The following NCAN variants were observed in gnomAD, a reference collection of about 807,000 sequenced individuals.
NCAN encodes the protein neurocan.
In NCAN, 47 loss-of-function variants were observed where a neutral mutation model predicts 121.8. The ratio of observed to expected loss-of-function variants is 0.39; its 90% CI spans 0.31 to 0.49. NCAN has a LOEUF of 0.49. NCAN is among the 20% of genes least tolerant of loss of function. The pLI, the probability that NCAN is intolerant of heterozygous loss-of-function variation, is 0.92. For synonymous variants in NCAN, 633 were observed against 702.0 expected, an observed-to-expected ratio of 0.90 and a Z score of 1.55; for missense variants, 1,517 against 1,773.4, an observed-to-expected ratio of 0.86 and a Z score of 2.60.
At position 19,228,286 on chromosome 19, in the gene NCAN, C is replaced by T. The variant is rs2060845606; in HGVS notation, c.2666C>T (p.Thr889Ile). Residue 889 changes from threonine to isoleucine, a missense_variant, in exon 8 of 15, where the codon ACA becomes ATA. Coordinates refer to ENST00000252575, the MANE Select transcript of NCAN (RefSeq NM_004386.3). Reference protein sequence around the residue: ...GDKVGVPAMSTLGSSSSQPHP... With the variant: ...GDKVGVPAMSILGSSSSQPHP... ...AAGGTTGGAGTTCCAGCCATGTCTA[C>T]ACTGGGCTCCTCAAGCTCCCAACCC... 4 of 1,613,888 alleles carry T rather than the reference C, an allele frequency of 2.5e-6. No individual in the cohort carries two copies. The highest frequency in any genetic ancestry group is 4.5e-5 in the East Asian group (2 of 44,888).
chr19:19,245,582 A>C, intron 13 of NCAN, 125 bp downstream of exon 13: 1 of 1,102,592 alleles, frequency 9.1e-7, no homozygotes, highest in South Asian at 1.6e-5. Context: ...GGTTCAAGCC[A>C]TCCTCCTGCC....
At chr19:19,219,859 TA>T (rs35998446) in intron 3 of NCAN, among the ~76,000 whole-genome samples, 15,459 of 128,150 alleles carry the variant, frequency 0.12, 1,613 homozygotes, top group African/African-American at 0.3. Context: ...ACCCCGTCTT[TA>T]AAAAAAAAAA....
intron 9 of NCAN, among the ~76,000 whole-genome samples, chr19:19,234,666 C>A (rs2060874563): frequency 6.6e-6 from 1 of 152,236 alleles, no homozygotes; most frequent in East Asian, 1.9e-4. Context: ...AAAAGAGACT[C>A]CAGCTTCAGC....
rs1436158718 is a variant in NCAN at position 19,227,097 on chromosome 19, G to T, written c.1660+24G>T. ...TGGTGAGTTGCTCTGGGGGAGGCGG[G>T]ACCTACCTGGGGATCTGGAGGTGAG... On this transcript the variant is annotated intron_variant, in intron 7 of 14. Coordinates refer to ENST00000252575, the MANE Select transcript of NCAN (RefSeq NM_004386.3). The surrounding 1 kb of genome is among the most constrained non-coding windows in gnomAD (Gnocchi z 4.2). 6.6e-7 allele frequency: 1 copy of T among 1,503,852 alleles called. No homozygotes were observed. Among genetic ancestry groups the T allele is most frequent in the South Asian group, 1.4e-5 (1 of 73,004 alleles). 93.2% of individuals were successfully genotyped at this position (1,503,852 alleles called of 1,614,324 possible).
At chr19:19,214,862 C>G (rs1195809025) in intron 1 of NCAN, among the ~76,000 whole-genome samples, 1 of 152,008 alleles carries the variant, frequency 6.6e-6, no homozygotes, top group Non-Finnish European at 1.5e-5. Context: ...TAATACCTGG[C>G]CAGGCCTGGA....
intron 1 of NCAN, among the ~76,000 whole-genome samples, chr19:19,215,024 T>C (rs2060791341): frequency 6.6e-6 from 1 of 152,190 alleles, no homozygotes; most frequent in African/African-American, 2.4e-5. Flanking sequence ...CTGTGCAGCC[T>C]GAGGCAAACC....
At chr19:19,214,725 G>GGGGTGT (rs1481644145) in intron 1 of NCAN, among the ~76,000 whole-genome samples, 8 of 110,184 alleles carry the variant, frequency 7.3e-5, no homozygotes, top group Middle Eastern at 4.3e-3. Context: ...ACCTGTTAAC[G>GGGGTGT]GGGTGTGTGT....
At chr19:19,234,553 T>G (rs1414013451) in intron 9 of NCAN, among the ~76,000 whole-genome samples, 1 of 152,176 alleles carries the variant, frequency 6.6e-6, no homozygotes, top group Non-Finnish European at 1.5e-5. Flanking sequence ...CATACGTGCC[T>G]CAAGCACTGT....
intron 10 of NCAN, among the ~76,000 whole-genome samples, chr19:19,235,714 T>C (rs1343288308): frequency 6.6e-6 from 1 of 151,970 alleles, no homozygotes; most frequent in East Asian, 1.9e-4. Flanking sequence ...GTAGCTGGGA[T>C]TACAGGCACA....
intron 10 of NCAN, among the ~76,000 whole-genome samples, chr19:19,235,525 G>A (rs1049187320): frequency 6.6e-6 from 1 of 151,588 alleles, no homozygotes; most frequent in African/African-American, 2.4e-5. Flanking sequence ...ACCCACCTTG[G>A]CATCCCAAAG....
chr19:19,224,158 A>T lies in NCAN; in HGVS notation c.613A>T (p.Asn205Tyr). The stretch of plus-strand genomic sequence containing the variant: ...GGCTGCCTTTGAGGATGGCTTTGAC[A>T]ACTGTGATGCTGGCTGGCTCTCTGA... ...LQAAFEDGFDNCDAGWLSDRT... is the reference protein window; with the variant it reads ...LQAAFEDGFDYCDAGWLSDRT... The change falls in exon 4 of 15, where the codon AAC becomes TAC. Residue 205 changes from asparagine (N) to tyrosine (Y), a missense_variant. Asn to Tyr is a moderately radical substitution (Grantham distance 143). Coordinates refer to ENST00000252575, the MANE Select transcript of NCAN (RefSeq NM_004386.3). 1 of 1,600,382 alleles carries T rather than the reference A, an allele frequency of 6.2e-7. No homozygotes were observed.
At chr19:19,231,080 G>A (rs982253014) in intron 8 of NCAN, among the ~76,000 whole-genome samples, 2 of 151,968 alleles carry the variant, frequency 1.3e-5, no homozygotes, top group African/African-American at 2.4e-5. Context: ...GAGGCAGGCC[G>A]ACCGCCCCAC....
chr19:19,243,190 T>A (rs1307834738), intron 12 of NCAN, among the ~76,000 whole-genome samples: 1 of 151,400 alleles, frequency 6.6e-6, no homozygotes, highest in Non-Finnish European at 1.5e-5. Context: ...TAGTGCTCAA[T>A]GAGTACAGAA....
Position 19,228,419 on chromosome 19 carries a change from G to T in NCAN, c.2799G>T (p.Pro933=), listed in dbSNP as rs746882302. ...LGKPAVPPGT[P]TAASVGESAS... The stretch of plus-strand genomic sequence containing the variant: ...AACCGGCTGTTCCTCCTGGGACACC[G>T]ACTGCAGCCAGTGTGGGCGAGTCTG... The change falls in exon 8 of 15, where the codon CCG becomes CCT. Residue 933 remains proline, a synonymous_variant. Coordinates refer to ENST00000252575, the MANE Select transcript of NCAN (RefSeq NM_004386.3). 2 of 1,613,584 alleles carry T rather than the reference G, an allele frequency of 1.2e-6. No homozygotes were observed. The highest frequency in any genetic ancestry group is 4.5e-5 in the East Asian group (2 of 44,882).
chr19:19,231,327 T>C lies in NCAN; in HGVS notation c.3020-2462T>C, dbSNP rs1272815441. Reference sequence around the variant, plus strand: ...GAATCCAGGTCATCTGAACATGGGGTTTCTTTTTTTTTTTTTTTTGAGAGA... The same window carrying C: ...GAATCCAGGTCATCTGAACATGGGGCTTCTTTTTTTTTTTTTTTTGAGAGA... On this transcript the variant is annotated intron_variant, in intron 8 of 14. Coordinates refer to ENST00000252575, the MANE Select transcript of NCAN (RefSeq NM_004386.3). 2.0e-5 allele frequency among the ~76,000 whole-genome samples: 3 copies of C among 146,816 alleles called. No individual in the cohort carries two copies. The East Asian group carries it at 6.2e-4, about 30-fold the overall frequency.
At chr19:19,249,011 G>A (rs2146562416) in intron 14 of NCAN, 129 bp downstream of exon 14, 1 of 957,250 alleles carries the variant, frequency 1.0e-6, no homozygotes, top group Non-Finnish European at 1.6e-6. Context: ...GCAGATAAGT[G>A]AGAACTTACC....
intron 14 of NCAN, 127 bp downstream of exon 14, chr19:19,249,009 G>A (rs1005252777): frequency 1.0e-6 from 1 of 988,580 alleles, no homozygotes; most frequent in Non-Finnish European, 1.5e-6. Context: ...TTGCAGATAA[G>A]TGAGAACTTA....
At position 19,233,884 on chromosome 19, in the gene NCAN, G is replaced by T. The variant is rs146011974; in HGVS notation, c.3115G>T (p.Ala1039Ser). ...MYGCSCDQGF[A>S]GENCEIDIDD... Reference sequence around the variant, plus strand: ...TGGCTGTAGCTGTGATCAGGGCTTCGCCGGGGAGAACTGTGAGATTGGTGA... The same window carrying T: ...TGGCTGTAGCTGTGATCAGGGCTTCTCCGGGGAGAACTGTGAGATTGGTGA... Residue 1039 changes from alanine to serine, a missense_variant, in exon 9 of 15, where the codon GCC (alanine) becomes TCC (serine). Physicochemically the swap from Ala to Ser is moderately conservative, Grantham distance 99. Transcript: ENST00000252575. 2 of 1,612,498 alleles carry T rather than the reference G, an allele frequency of 1.2e-6. No homozygotes were observed. The highest frequency in any genetic ancestry group is 2.2e-5 in the East Asian group (1 of 44,870).
At chr19:19,241,594 C>T (rs1364106957) in intron 12 of NCAN, among the ~76,000 whole-genome samples, 2 of 151,726 alleles carry the variant, frequency 1.3e-5, no homozygotes, top group East Asian at 3.9e-4. Context: ...TCTCAGCTAT[C>T]GGGAAGCTGA....
Sources: allele counts gnomAD v4.1 joint callset (sites outside exome capture counted in the v4.1 genomes callset), GRCh38; gene constraint gnomAD v4.1.1; non-coding constraint Gnocchi (gnomAD v3.1); transcripts MANE v1.5; gene names NCBI Gene and HGNC (gene_info 2026-07-23, HGNC 2026-07-21).